Variants in PCDHGB7 observed in about 807,000 individuals in gnomAD.
PCDHGB7 encodes protocadherin gamma-B7.
A neutral mutation model predicts 61.4 loss-of-function variants in PCDHGB7; 37 were observed. The observed-to-expected ratio is 0.60, with a 90% confidence interval of 0.46 to 0.79. The LOEUF is 0.79. Ranked by LOEUF, PCDHGB7 falls within the 30% of genes least tolerant of loss-of-function variation. The probability of loss-of-function intolerance (pLI) is 0.00; values close to 1 mark genes in which losing one functional copy is unlikely to be tolerated. For missense variants in PCDHGB7, 1,166 were observed against 1,202.5 expected (o/e 0.97, Z 0.45); for synonymous variants, 464 against 503.5 (o/e 0.92, Z 1.05).
rs776079289 is a variant in PCDHGB7 at position 141,423,264 on chromosome 5, CGAGTCTCT to C, written c.2415+2992_2415+2999del. The C allele has an allele frequency of 9.8e-5, 158 of 1,613,986 alleles. 1 individual carries two copies. The African/African-American group carries it at 1.9e-3, about 20-fold the overall frequency. ...AAGTCCTGGCGGACCTCGGCAGCCT[CGAGTCTCT>C]GGCTAACTCTGAAACCTCAGACCTC... On this transcript the variant is annotated intron_variant, in intron 1 of 3. Transcript: ENST00000398594.
Position 141,491,077 on chromosome 5 carries a change from T to TAGGA in PCDHGB7, c.2416-3730_2416-3729insAGGA, listed in dbSNP as rs752090443. 1.2e-6 allele frequency: 2 copies of TAGGA among 1,614,166 alleles called. No homozygotes were observed. Among genetic ancestry groups the TAGGA allele is most frequent in the Admixed American group, 3.3e-5 (2 of 60,014 alleles). On this transcript the variant is annotated intron_variant, in intron 1 of 3. Transcript: ENST00000398594. This position sits in a 1 kb window ranked among gnomAD's most constrained non-coding sequence, Gnocchi z 6.9. The stretch of plus-strand genomic sequence containing the variant: ...GCTCTCCTACTCACTGTTGCCACAG[T>TAGGA]CCACAGCCCCAGGACTGTTCCTCGT...
intron 1 of PCDHGB7, among the ~76,000 whole-genome samples, chr5:141,456,859 A>C (rs2098893194): frequency 6.6e-6 from 1 of 152,152 alleles, no homozygotes; most frequent in Admixed American, 6.6e-5. Context: ...GCTAATTGGG[A>C]GGCTGAGGCA....
intron 1 of PCDHGB7, among the ~76,000 whole-genome samples, chr5:141,453,393 A>G (rs2098764590): frequency 6.6e-6 from 1 of 152,018 alleles, no homozygotes; most frequent in Non-Finnish European, 1.5e-5. Flanking sequence ...CTTAGCCTCC[A>G]AGTGCTGGTA....
chr5:141,435,444 A>G (rs1471113812), intron 1 of PCDHGB7, among the ~76,000 whole-genome samples: 1 of 152,216 alleles, frequency 6.6e-6, no homozygotes, highest in East Asian at 1.9e-4. Flanking sequence ...TTTCATTAAT[A>G]CGATATCTGT....
At chr5:141,423,256 G>C (rs751894091) in intron 1 of PCDHGB7, 1 of 1,613,934 alleles carries the variant, frequency 6.2e-7, no homozygotes. Flanking sequence ...GGCGGACCTC[G>C]GCAGCCTCGA....
chr5:141,487,670 T>A lies in PCDHGB7; in HGVS notation c.2416-7137T>A. The A allele has an allele frequency of 6.2e-7, 1 of 1,612,302 alleles. No homozygotes were observed. Among genetic ancestry groups the A allele is most frequent in the Non-Finnish European group, 8.5e-7 (1 of 1,179,082 alleles). ...TGAGGGTTATTCTGATCCAGGCATA[T>A]GGCTAGGCCATGTCCTAGAGAGTAC... On this transcript the variant is annotated intron_variant, in intron 1 of 3. Transcript: ENST00000398594. This position sits in a 1 kb window ranked among gnomAD's most constrained non-coding sequence, Gnocchi z 5.0.
chr5:141,442,343 G>C (rs1300318674), intron 1 of PCDHGB7: 1 of 152,336 alleles, frequency 6.6e-6, no homozygotes, highest in Non-Finnish European at 1.5e-5. Flanking sequence ...CAGGTTTCTG[G>C]GTAACTGTAG....
chr5:141,498,197 A>C (rs1191884415), intron 2 of PCDHGB7, among the ~76,000 whole-genome samples: 1 of 152,246 alleles, frequency 6.6e-6, no homozygotes. Flanking sequence ...AACCAGCTAA[A>C]GAAAAGAAGG....
chr5:141,489,594 T>A lies in PCDHGB7; in HGVS notation c.2416-5213T>A. The A allele has an allele frequency of 2.5e-6, 4 of 1,614,076 alleles. No homozygotes were observed. Among genetic ancestry groups the A allele is most frequent in the Non-Finnish European group, 3.4e-6 (4 of 1,179,982 alleles). ...CTGAACACCCCCTGGAGCTAATCCG[T>A]GTAGAGGTAGAGATCCTGGATCTCA... On this transcript the variant is annotated intron_variant, in intron 1 of 3. Coordinates refer to ENST00000398594, the MANE Select transcript of PCDHGB7 (RefSeq NM_018927.4). This position sits in a 1 kb window ranked among gnomAD's most constrained non-coding sequence, Gnocchi z 4.5.
chr5:141,496,377 G>A (rs1413938730), intron 2 of PCDHGB7, among the ~76,000 whole-genome samples: 1 of 152,114 alleles, frequency 6.6e-6, no homozygotes, highest in Non-Finnish European at 1.5e-5. Flanking sequence ...CAGGAGCTTG[G>A]GCCACCTTAC....
Position 141,418,403 on chromosome 5 carries a change from G to T in PCDHGB7, c.544G>T (p.Glu182Ter). 1 of 1,614,000 alleles carries T rather than the reference G, an allele frequency of 6.2e-7. No individual in the cohort carries two copies. ...TCCTAACGAGTATTTCTCATTGGTGGAGAAAGACAATCCTGATGGTGGCAA... is the reference window on the plus strand; with the variant it reads ...TCCTAACGAGTATTTCTCATTGGTGTAGAAAGACAATCCTGATGGTGGCAA... ...LSPNEYFSLV[E>*]KDNPDGGKYP... The change falls in exon 1 of 4, where the codon GAG becomes TAG. Residue 182 changes from glutamate to a stop codon, truncating the protein, a stop_gained. Coordinates refer to ENST00000398594, the MANE Select transcript of PCDHGB7 (RefSeq NM_018927.4). LOFTEE classifies it high-confidence loss of function.
intron 1 of PCDHGB7, among the ~76,000 whole-genome samples, chr5:141,470,448 T>C (rs1384666661): frequency 6.6e-6 from 1 of 152,192 alleles, no homozygotes. Flanking sequence ...TTTAATAGCA[T>C]CTTGAATAGG....
At position 141,427,736 on chromosome 5, in the gene PCDHGB7, A is replaced by G. The variant is rs781594851; in HGVS notation, c.2415+7462A>G. 3.3e-6 allele frequency: 4 copies of G among 1,214,562 alleles called. No individual in the cohort carries two copies. In the South Asian group the frequency reaches 4.9e-5, roughly 15 times the overall value. The allele number at this position is 1,214,562 out of a possible 1,614,324, so 75.2% of individuals were successfully genotyped here. ...ACCTGGACCTAGGGCTGAATGGCCA[A>G]GTCTCCTACTCCATCGTTACCACTG... On this transcript the variant is annotated intron_variant, in intron 1 of 3. Coordinates refer to ENST00000398594, the MANE Select transcript of PCDHGB7 (RefSeq NM_018927.4).
At chr5:141,426,480 C>T (rs1379758117) in intron 1 of PCDHGB7, 4 of 325,590 alleles carry the variant, frequency 1.2e-5, no homozygotes, top group Non-Finnish European at 1.8e-5. Flanking sequence ...TGACCTGAAA[C>T]CTTAGAGTTA....
intron 1 of PCDHGB7, among the ~76,000 whole-genome samples, chr5:141,442,910 C>G (rs1419319938): frequency 6.6e-6 from 1 of 152,196 alleles, no homozygotes; most frequent in African/African-American, 2.4e-5. Flanking sequence ...TCCTTCAGCA[C>G]ACAACTGTTT....
At chr5:141,458,630 C>T (rs575289408) in intron 1 of PCDHGB7, among the ~76,000 whole-genome samples, 1 of 151,864 alleles carries the variant, frequency 6.6e-6, no homozygotes, top group Admixed American at 6.6e-5. Flanking sequence ...AGTGCAGTGG[C>T]ACAATCCCAG....
Position 141,432,938 on chromosome 5 carries a change from G to C in PCDHGB7, c.2415+12664G>C. ...CTGGCACAAGTCACGCCTGCTGCAG[G>C]CTTCAGGAGGCGGCTTGACAGGAGC... On this transcript the variant is annotated intron_variant, in intron 1 of 3. Transcript: ENST00000398594. The surrounding 1 kb of genome is among the most constrained non-coding windows in gnomAD (Gnocchi z 6.0). 2 of 1,614,192 alleles carry C rather than the reference G, an allele frequency of 1.2e-6. No homozygotes were observed. Among genetic ancestry groups the C allele is most frequent in the South Asian group, 2.2e-5 (2 of 91,086 alleles).
At position 141,477,879 on chromosome 5, in the gene PCDHGB7, A is replaced by T. The variant is rs932363258; in HGVS notation, c.2416-16928A>T. The T allele has an allele frequency of 3.4e-5, 55 of 1,614,060 alleles. No homozygotes were observed. The highest frequency in any genetic ancestry group is 4.6e-5 in the Non-Finnish European group (54 of 1,180,034). ...CTGCCTCGAGGTACCTCAGCTGGCCACCTAGTGTCACGGGTGGTAGGCTGG... is the reference window on the plus strand; with the variant it reads ...CTGCCTCGAGGTACCTCAGCTGGCCTCCTAGTGTCACGGGTGGTAGGCTGG... On this transcript the variant is annotated intron_variant, in intron 1 of 3. Coordinates refer to ENST00000398594, the MANE Select transcript of PCDHGB7 (RefSeq NM_018927.4). This position sits in a 1 kb window ranked among gnomAD's most constrained non-coding sequence, Gnocchi z 4.9.
chr5:141,491,311 A>G lies in PCDHGB7; in HGVS notation c.2416-3496A>G. On this transcript the variant is annotated intron_variant, in intron 1 of 3. Transcript: ENST00000398594. This position sits in a 1 kb window ranked among gnomAD's most constrained non-coding sequence, Gnocchi z 6.9. The stretch of plus-strand genomic sequence containing the variant: ...ACACCCTCCTGAGCGTTCAGACCTT[A>G]CCCTTTACCTCATTGTGGCTCTAGC... 1 of 1,613,932 alleles carries G rather than the reference A, an allele frequency of 6.2e-7. No homozygotes were observed. Among genetic ancestry groups the G allele is most frequent in the Non-Finnish European group, 8.5e-7 (1 of 1,179,940 alleles).
Sources: gnomAD v4.1 joint callset for allele counts (sites outside exome capture counted in the v4.1 genomes callset) on GRCh38, gnomAD v4.1.1 for gene constraint, Gnocchi (gnomAD v3.1) non-coding constraint, MANE v1.5 for transcripts, NCBI Gene and HGNC (gene_info 2026-07-23, HGNC 2026-07-21) for gene names.